Variants in DAB2IP observed in about 807,000 individuals in gnomAD.
The protein encoded by DAB2IP is disabled homolog 2-interacting protein.
A neutral mutation model predicts 107.2 loss-of-function variants in DAB2IP; 28 were observed. The ratio of observed to expected loss-of-function variants is 0.26; its 90% CI spans 0.19 to 0.36. The LOEUF (loss-of-function observed/expected upper bound fraction) is 0.36. Ranked by LOEUF, DAB2IP falls within the 10% of genes least tolerant of loss-of-function variation. The pLI, the probability that DAB2IP is intolerant of heterozygous loss-of-function variation, is 1.00. For synonymous variants in DAB2IP, 755 were observed against 706.4 expected (o/e 1.07, Z -1.09); for missense variants, 1,400 against 1,644.7 (o/e 0.85, Z 2.57).
At chr9:121,781,131 G>A (rs1835603250) in intron 14 of DAB2IP, among the ~76,000 whole-genome samples, 1 of 152,222 alleles carries the variant, frequency 6.6e-6, no homozygotes, top group South Asian at 2.1e-4. Context: ...TCCACCACCT[G>A]CCTAGCTCTA....
upstream of DAB2IP, among the ~76,000 whole-genome samples, chr9:121,647,658 G>T (rs769768372): frequency 3.5e-4 from 54 of 152,238 alleles, no homozygotes; most frequent in Non-Finnish European, 5.7e-4. Flanking sequence ...GACTAGTGGG[G>T]TATACCAGGA....
chr9:121,784,570 A>G (rs1371327421), exon 16 of DAB2IP: 1 of 154,784 alleles, frequency 6.5e-6, no homozygotes, highest in Non-Finnish European at 1.5e-5. Context: ...CTCTTCACAG[A>G]TTTTTATCTT....
chr9:121,774,370 G>T (rs1295291519), exon 13 of DAB2IP: 1 of 1,612,852 alleles, frequency 6.2e-7, no homozygotes, highest in South Asian at 1.1e-5. Context: ...CCCCCCACAG[G>T]GATAGGCTAA....
chr9:121,752,625 C>A (rs752537957), intron 3 of DAB2IP, among the ~76,000 whole-genome samples: 1 of 152,340 alleles, frequency 6.6e-6, no homozygotes, highest in African/African-American at 2.4e-5. Context: ...GAGACTCCTG[C>A]TTCCTGGGAT....
intron 1 of DAB2IP, among the ~76,000 whole-genome samples, chr9:121,622,358 T>A (rs568916294): frequency 6.6e-6 from 1 of 152,158 alleles, no homozygotes; most frequent in Non-Finnish European, 1.5e-5. Flanking sequence ...TGGGAATCTC[T>A]GGGGTCTACA....
chr9:121,719,686 AG>A (rs1270033170), intron 3 of DAB2IP, among the ~76,000 whole-genome samples: 1 of 152,210 alleles, frequency 6.6e-6, no homozygotes, highest in African/African-American at 2.4e-5. Context: ...CCTTTGTGCC[AG>A]GTGCTTCATC....
At chr9:121,784,509 T>G (rs1835869233) in exon 16 of DAB2IP, 1 of 153,984 alleles carries the variant, frequency 6.5e-6, no homozygotes, top group Non-Finnish European at 1.5e-5. Context: ...GGGTGAGCTC[T>G]CAGGCCGAGA....
rs560008034 is a variant in DAB2IP, at chr9:121,574,513, G to A, written c.40+7285G>A. Reference sequence around the variant, plus strand: ...GAAAAAATTAGGCCAAGGATGCAGAGCTGGGGTCCTATTTATGAGCATTTA... The same window carrying A: ...GAAAAAATTAGGCCAAGGATGCAGAACTGGGGTCCTATTTATGAGCATTTA... On this transcript the variant is annotated intron_variant, in intron 1 of 16. Transcript: ENST00000259371. 7.9e-5 allele frequency among the ~76,000 whole-genome samples: 12 copies of A among 152,288 alleles called. No individual in the cohort carries two copies. The South Asian group carries it at 1.4e-3, about 18-fold the overall frequency.
intron 2 of DAB2IP, among the ~76,000 whole-genome samples, chr9:121,682,071 C>G (rs191163165): frequency 9.2e-4 from 140 of 152,332 alleles, no homozygotes; most frequent in African/African-American, 3.2e-3. Context: ...GGGGGAAGGT[C>G]AGTGGTGAGC....
Position 121,699,277 on chromosome 9 carries a change from C to A in DAB2IP, c.229-48C>A, listed in dbSNP as rs1357469317. ...CCGCGCGGGTCCCGGCCCGCCGCCG[C>A]CGCGCTAACCCCGCCTCCCCTTCCC... On this transcript the variant is annotated intron_variant, in intron 2 of 15. Coordinates refer to ENST00000408936, the Ensembl canonical transcript of DAB2IP. This position sits in a 1 kb window ranked among gnomAD's most constrained non-coding sequence, Gnocchi z 6.2. The A allele has an allele frequency of 7.6e-7, 1 of 1,311,348 alleles. No homozygotes were observed. Among genetic ancestry groups the A allele is most frequent in the South Asian group, 1.7e-5 (1 of 59,764 alleles). The allele number at this position is 1,311,348 out of a possible 1,614,324, so 81.2% of individuals were successfully genotyped here.
chr9:121,763,475 T>C, intron 6 of DAB2IP, 30 bp from the exon 7 acceptor site: 1 of 1,598,214 alleles, frequency 6.3e-7, no homozygotes, highest in Non-Finnish European at 8.5e-7. Flanking sequence ...CCAGCTCAGG[T>C]CCTGCTCTCT....
rs1259279396 is a variant in DAB2IP, at chr9:121,760,591, G to A, written c.1170+152G>A. ...TCCCTAAACCCAAAAGTTCTATCGT[G>A]GGCTGGGGGTTTTGTACTCCTGCTC... On this transcript the variant is annotated intron_variant, in intron 6 of 15. Transcript: ENST00000408936. This position sits in a 1 kb window ranked among gnomAD's most constrained non-coding sequence, Gnocchi z 5.9. 1.8e-5 allele frequency: 18 copies of A among 974,506 alleles called. No homozygotes were observed. The highest frequency in any genetic ancestry group is 1.5e-6 in the Non-Finnish European group (1 of 681,410). 60.4% of individuals were successfully genotyped at this position (974,506 alleles called of 1,614,324 possible). A position where few individuals can be genotyped will look rare whatever the true frequency, so the allele number is the denominator to read the frequency against.
Position 121,756,118 on chromosome 9 carries a change from G to A in DAB2IP, c.363-895G>A, listed in dbSNP as rs536802041. Among the ~76,000 whole-genome samples, 30 of 152,280 alleles carry A rather than the reference G, an allele frequency of 2.0e-4. No homozygotes were observed. In the South Asian group the frequency reaches 5.8e-3, roughly 29 times the overall value. On this transcript the variant is annotated intron_variant, in intron 3 of 15. Coordinates refer to ENST00000408936, the Ensembl canonical transcript of DAB2IP. ...TCACGCTTTTCCTCTGTCCCACCGT[G>A]GGGGCTGGGGGCTCTAAGAGGACAC...
At chr9:121,672,367 T>C (rs1833719068) in intron 1 of DAB2IP, among the ~76,000 whole-genome samples, 1 of 152,218 alleles carries the variant, frequency 6.6e-6, no homozygotes, top group Non-Finnish European at 1.5e-5. Context: ...AACTGAAATT[T>C]GGTGTCTTGT....
In DAB2IP at chr9:121,635,854, C is replaced by A. The variant is rs1310915084; in HGVS notation, c.41-42824C>A. Reference sequence around the variant, plus strand: ...CCCAGGAGAGTCACATTTGTGGGACCCTGCTGCAGAGGACCTTCCCAAGGG... The same window carrying A: ...CCCAGGAGAGTCACATTTGTGGGACACTGCTGCAGAGGACCTTCCCAAGGG... On this transcript the variant is annotated intron_variant, in intron 1 of 16. Transcript: ENST00000259371. This position sits in a 1 kb window ranked among gnomAD's most constrained non-coding sequence, Gnocchi z 4.3. Among the ~76,000 whole-genome samples the A allele has an allele frequency of 6.6e-6, 1 of 152,072 alleles. No homozygotes were observed. The highest frequency in any genetic ancestry group is 1.5e-5 in the Non-Finnish European group (1 of 67,996).
At chr9:121,740,451 G>A (rs978068358) in intron 3 of DAB2IP, among the ~76,000 whole-genome samples, 1 of 152,198 alleles carries the variant, frequency 6.6e-6, no homozygotes, top group African/African-American at 2.4e-5. Flanking sequence ...CTGGAGCCTG[G>A]CTTACCTCAA....
chr9:121,720,832 G>A (rs754785025), intron 3 of DAB2IP, among the ~76,000 whole-genome samples: 4 of 152,174 alleles, frequency 2.6e-5, no homozygotes, highest in Non-Finnish European at 5.9e-5. Flanking sequence ...CCTGGTTGCT[G>A]GGGACAATTG....
intron 1 of DAB2IP, among the ~76,000 whole-genome samples, chr9:121,639,519 A>T (rs1488515438): frequency 6.6e-6 from 1 of 152,194 alleles, no homozygotes; most frequent in African/African-American, 2.4e-5. Flanking sequence ...AATGCCAGTC[A>T]CGGCTGCTGC....
exon 16 of DAB2IP, chr9:121,783,043 C>G (rs1835776654): frequency 9.7e-7 from 1 of 1,032,750 alleles, no homozygotes; most frequent in Non-Finnish European, 1.2e-6. Flanking sequence ...GGTCAGTGTC[C>G]CCTGCCTGTC....
Sources: allele counts gnomAD v4.1 joint callset (sites outside exome capture counted in the v4.1 genomes callset), GRCh38; gene constraint gnomAD v4.1.1; non-coding constraint Gnocchi (gnomAD v3.1); transcripts MANE v1.5; gene names NCBI Gene and HGNC (gene_info 2026-07-23, HGNC 2026-07-21).